Variants in ABL2 observed in about 807,000 individuals in gnomAD.
The protein encoded by ABL2 is ABL proto-oncogene 2, non-receptor tyrosine kinase.
ABL2 carries 49 observed loss-of-function variants against 107.7 expected under a neutral mutation model. The ratio of observed to expected loss-of-function variants is 0.45; its 90% CI spans 0.36 to 0.58. The LOEUF is 0.58. Ranked by LOEUF, ABL2 falls within the 20% of genes least tolerant of loss-of-function variation. The probability of loss-of-function intolerance (pLI) is 0.00; values close to 1 mark genes in which losing one functional copy is unlikely to be tolerated. For missense variants in ABL2, 1,245 were observed against 1,457.0 expected (o/e 0.85, Z 2.37); for synonymous variants, 549 against 548.6 (o/e 1.00, Z -0.01).
At chr1:179,122,276 TAAAA>T (rs34338293) in intron 4 of ABL2, among the ~76,000 whole-genome samples, 14 of 126,756 alleles carry the variant, frequency 1.1e-4, no homozygotes, top group Middle Eastern at 4.2e-3. Context: ...AGGCTATCTT[TAAAA>T]AAAAAAAAAA....
rs1029768616 is a variant in ABL2 at position 179,106,356 on chromosome 1, C to A, written c.*1362G>T. ...ATTTAAGGATTAAGTCATTAGGTTC[C>A]CAGGGTCTACCTGGTGCTCCCTGAA... is the stretch of plus-strand genomic sequence containing the variant. On this transcript the variant is annotated 3_prime_UTR_variant, in exon 12 of 12. Coordinates refer to ENST00000502732, the MANE Select transcript of ABL2 (RefSeq NM_007314.4). The A allele has an allele frequency of 4.3e-6, 1 of 230,980 alleles. No individual in the cohort carries two copies. Among genetic ancestry groups the A allele is most frequent in the African/African-American group, 2.2e-5 (1 of 45,198 alleles). The allele number at this position is 230,980 out of a possible 1,614,324, so 14.3% of individuals were successfully genotyped here.
chr1:179,108,883 T>G lies in ABL2; in HGVS notation c.2384A>C (p.Asp795Ala), dbSNP rs1322826490. ...CCTGGGAAGGGTCATTGCCATCCTA[T>G]CCTGCTCTGGAAGCCCTGAGGACAT... Reference protein sequence around the residue: ...SSMSSGLPEQDRMAMTLPRNC... With the variant: ...SSMSSGLPEQARMAMTLPRNC... Residue 795 changes from aspartate to alanine, a missense_variant, in exon 12 of 12, where the codon GAT (aspartate) becomes GCT (alanine). Physicochemically the swap from Asp to Ala is moderately radical, Grantham distance 126. This residue lies in a region of ABL2 where 761 missense variants were observed against 766.4 expected (regional missense o/e 0.99). Coordinates refer to ENST00000502732, the MANE Select transcript of ABL2 (RefSeq NM_007314.4). 6.2e-7 allele frequency: 1 copy of G among 1,614,208 alleles called. No individual in the cohort carries two copies. The highest frequency in any genetic ancestry group is 1.7e-5 in the Admixed American group (1 of 60,026).
chr1:179,201,596 AT>A, intron 1 of ABL2: 1 of 401,762 alleles, frequency 2.5e-6, no homozygotes. Context: ...AGGGCTGGTT[AT>A]TTCCTCTGCC....
At chr1:179,174,710 G>A (rs922002052) in intron 1 of ABL2, among the ~76,000 whole-genome samples, 1 of 151,506 alleles carries the variant, frequency 6.6e-6, no homozygotes, top group Non-Finnish European at 1.5e-5. Flanking sequence ...CCTTTGGGAG[G>A]TTGAGGTGGG....
intron 1 of ABL2, among the ~76,000 whole-genome samples, chr1:179,198,619 G>C (rs12132572): frequency 0.32 from 46,982 of 145,442 alleles, 8,007 homozygotes; most frequent in East Asian, 0.48. Flanking sequence ...CTGGAACCAG[G>C]GGGGCAGAGG....
chr1:179,169,406 G>C (rs1012735900), intron 1 of ABL2, among the ~76,000 whole-genome samples: 8 of 152,012 alleles, frequency 5.3e-5, no homozygotes, highest in Non-Finnish European at 1.2e-4. Flanking sequence ...AAATTAGCTG[G>C]GCGTGGTGGC....
intron 1 of ABL2, among the ~76,000 whole-genome samples, chr1:179,167,989 A>G (rs1240224325): frequency 1.3e-5 from 2 of 152,200 alleles, no homozygotes; most frequent in Admixed American, 1.3e-4. Flanking sequence ...AAAAACAAAC[A>G]AACAACAACA....
intron 1 of ABL2, among the ~76,000 whole-genome samples, chr1:179,174,766 G>A (rs915200149): frequency 1.2e-4 from 18 of 151,022 alleles, no homozygotes; most frequent in African/African-American, 2.7e-4. Flanking sequence ...GTGTTGGCAC[G>A]CACCTGTAAT....
At chr1:179,214,223 G>T (rs1047567979) in intron 1 of ABL2, among the ~76,000 whole-genome samples, 10 of 152,130 alleles carry the variant, frequency 6.6e-5, no homozygotes, top group African/African-American at 2.4e-4. Context: ...TGCCTGGACT[G>T]GCAAAGGGAT....
chr1:179,142,942 C>A (rs376770494), intron 1 of ABL2: 1 of 1,613,964 alleles, frequency 6.2e-7, no homozygotes, highest in Non-Finnish European at 8.5e-7. Flanking sequence ...CCTGTTAAGT[C>A]GGGTAGAGCA....
Position 179,104,662 on chromosome 1 carries a change from G to GTTT in ABL2, c.*3055_*3056insAAA, listed in dbSNP as rs1653355619. The GTTT allele has an allele frequency of 4.8e-6, 1 of 207,502 alleles. No individual in the cohort carries two copies. Among genetic ancestry groups the GTTT allele is most frequent in the Admixed American group, 5.9e-5 (1 of 16,856 alleles). The allele number at this position is 207,502 out of a possible 1,614,324, so 12.9% of individuals were successfully genotyped here. On this transcript the variant is annotated 3_prime_UTR_variant, in exon 12 of 12. Transcript: ENST00000502732. ...CAAAGCCTTTTAAGAAAATACTTTA[G>GTTT]GTAAAGCACAATCAAGATGTATTCA...
chr1:179,154,066 A>G (rs1410726860), intron 1 of ABL2, among the ~76,000 whole-genome samples: 1 of 152,080 alleles, frequency 6.6e-6, no homozygotes, highest in East Asian at 1.9e-4. Context: ...CCTCTTAAAT[A>G]TCTCTCAAAC....
intron 1 of ABL2, among the ~76,000 whole-genome samples, chr1:179,191,769 T>A (rs1661031844): frequency 6.6e-6 from 1 of 152,146 alleles, no homozygotes; most frequent in South Asian, 2.1e-4. Flanking sequence ...ATTTAAATAA[T>A]CAACACTCTG....
At chr1:179,190,225 C>T (rs1025006419) in intron 1 of ABL2, among the ~76,000 whole-genome samples, 3 of 152,134 alleles carry the variant, frequency 2.0e-5, no homozygotes, top group Admixed American at 6.5e-5. Flanking sequence ...CTTCAGATGC[C>T]ATTTCTGATT....
At position 179,100,244 on chromosome 1, in the gene ABL2, T is replaced by C. The variant is rs1324425670; in HGVS notation, c.*7474A>G. On this transcript the variant is annotated 3_prime_UTR_variant, in exon 12 of 12. Transcript: ENST00000502732. Reference sequence around the variant, plus strand: ...CCACAGTGAGAAATTGCTGTCAAAATGGAGGAGAGCTGGTTTCTCTGGCCC... The same window carrying C: ...CCACAGTGAGAAATTGCTGTCAAAACGGAGGAGAGCTGGTTTCTCTGGCCC... 1 of 227,618 alleles carries C rather than the reference T, an allele frequency of 4.4e-6. No homozygotes were observed. Among genetic ancestry groups the C allele is most frequent in the Non-Finnish European group, 8.7e-6 (1 of 114,696 alleles). The allele number at this position is 227,618 out of a possible 1,614,324, so 14.1% of individuals were successfully genotyped here. A position where few individuals can be genotyped will look rare whatever the true frequency, so the allele number is the denominator to read the frequency against.
chr1:179,227,877 CCCA>C (rs1016733103), intron 1 of ABL2, among the ~76,000 whole-genome samples: 1 of 151,594 alleles, frequency 6.6e-6, no homozygotes, highest in African/African-American at 2.4e-5. Context: ...ATAGAGAAAC[CCCA>C]CCCTACTAAA....
intron 1 of ABL2, among the ~76,000 whole-genome samples, chr1:179,213,108 A>G (rs1376566737): frequency 6.6e-6 from 1 of 151,832 alleles, no homozygotes; most frequent in African/African-American, 2.4e-5. Context: ...TTTTTCTAGT[A>G]ACTACATCAA....
intron 1 of ABL2, among the ~76,000 whole-genome samples, chr1:179,152,108 A>G (rs1557958787): frequency 6.6e-6 from 1 of 152,230 alleles, no homozygotes; most frequent in Non-Finnish European, 1.5e-5. Flanking sequence ...AGATGTGGAA[A>G]CCTGGGTAGG....
chr1:179,127,874 A>T (rs1046198698), intron 3 of ABL2, among the ~76,000 whole-genome samples: 1 of 152,058 alleles, frequency 6.6e-6, no homozygotes, highest in South Asian at 2.1e-4. Flanking sequence ...TCTACCAAAA[A>T]TACAAAAAAT....
Sources: gnomAD v4.1 joint callset for allele counts (sites outside exome capture counted in the v4.1 genomes callset) on GRCh38, gnomAD v4.1.1 for gene constraint, gnomAD v4.1.1 regional missense constraint, MANE v1.5 for transcripts, NCBI Gene and HGNC (gene_info 2026-07-23, HGNC 2026-07-21) for gene names.